Variants in TNKS observed in about 807,000 individuals in gnomAD.
TNKS encodes tankyrase.
TNKS carries 72 observed loss-of-function variants against 135.8 expected under a neutral mutation model. The ratio of observed to expected loss-of-function variants is 0.53; its 90% CI spans 0.44 to 0.64. The LOEUF (loss-of-function observed/expected upper bound fraction) is 0.64. Ranked by LOEUF, TNKS falls within the 30% of genes least tolerant of loss-of-function variation. TNKS has a pLI of 0.00. For missense variants in TNKS, 1,769 were observed against 1,674.0 expected (o/e 1.06, Z -0.99); for synonymous variants, 849 against 649.3 (o/e 1.31, Z -4.68).
At position 9,730,868 on chromosome 8, in the gene TNKS, CTT is replaced by C; in HGVS notation, c.2002-20_2002-19del. On this transcript the variant is annotated intron_variant, in intron 13 of 26. Coordinates refer to ENST00000310430, the MANE Select transcript of TNKS (RefSeq NM_003747.3). ...AGAGTAATGTTCGTTTTGTGTTTGTCTTTGTGTGTGCACCACGAAAGCAACTT... is the reference window on the plus strand; with the variant it reads ...AGAGTAATGTTCGTTTTGTGTTTGTCTGTGTGTGCACCACGAAAGCAACTT... 1 of 1,604,850 alleles carries C rather than the reference CTT, an allele frequency of 6.2e-7. No individual in the cohort carries two copies. The highest frequency in any genetic ancestry group is 8.5e-7 in the Non-Finnish European group (1 of 1,174,508).
chr8:9,750,074 G>A (rs1002562269), intron 18 of TNKS, among the ~76,000 whole-genome samples: 51 of 152,196 alleles, frequency 3.4e-4, no homozygotes, highest in African/African-American at 1.2e-3. Context: ...AAGTAAAGGT[G>A]CAGTGGGACA....
intron 2 of TNKS, among the ~76,000 whole-genome samples, chr8:9,585,716 C>G (rs1271714093): frequency 6.6e-6 from 1 of 152,170 alleles, no homozygotes; most frequent in South Asian, 2.1e-4. Context: ...ATTAGAGAAA[C>G]AAAGCTCCTG....
chr8:9,641,385 G>A (rs1800725632), intron 3 of TNKS, among the ~76,000 whole-genome samples: 1 of 143,856 alleles, frequency 7.0e-6, no homozygotes, highest in South Asian at 2.2e-4. Context: ...GGGTAATTGA[G>A]ATATTTCCAA....
At chr8:9,771,381 A>AG (rs1491155490) in intron 26 of TNKS, among the ~76,000 whole-genome samples, 2 of 99,184 alleles carry the variant, frequency 2.0e-5, no homozygotes, top group African/African-American at 6.2e-5. Context: ...GGAGGGAGGG[A>AG]AAGAGAGAAA....
chr8:9,764,780 A>G lies in TNKS; in HGVS notation c.3437A>G (p.Asn1146Ser), dbSNP rs147302623. The G allele has an allele frequency of 1.6e-5, 25 of 1,594,128 alleles. No homozygotes were observed. Among genetic ancestry groups the G allele is most frequent in the Admixed American group, 5.3e-5 (3 of 56,648 alleles). ...GNAGGIFNRYNVIRIQKVVNK... is the reference protein window; with the variant it reads ...GNAGGIFNRYSVIRIQKVVNK... ...GCTGGCGGCATCTTCAACAGATACAATGTCATTCGAGTAAGTTTTTAAAGT... is the reference window on the plus strand; with the variant it reads ...GCTGGCGGCATCTTCAACAGATACAGTGTCATTCGAGTAAGTTTTTAAAGT... The change falls in exon 23 of 27, where the codon AAT becomes AGT. Residue 1146 changes from asparagine to serine, a missense_variant. Asn to Ser is a conservative substitution (Grantham distance 46). Coordinates refer to ENST00000310430, the MANE Select transcript of TNKS (RefSeq NM_003747.3).
rs149754939 is a variant in TNKS, at chr8:9,751,724, C to A, written c.2948C>A (p.Pro983His). 9.9e-6 allele frequency: 16 copies of A among 1,614,212 alleles called. No homozygotes were observed. The highest frequency in any genetic ancestry group is 4.5e-5 in the East Asian group (2 of 44,880). Residue 983 changes from proline (P) to histidine (H), a missense_variant, in exon 19 of 27, where the codon CCC (proline) becomes CAC (histidine). Around this residue, in one of 5 missense-constraint regions of TNKS, gnomAD observed 722 missense variants for 688.9 expected, o/e 1.05. Transcript: ENST00000310430. ...TCTCTGATCTCACCAGCATCCACCCCCTCCTGCCTCTCGGCTGCCAGCAGC... is the reference window on the plus strand; with the variant it reads ...TCTCTGATCTCACCAGCATCCACCCACTCCTGCCTCTCGGCTGCCAGCAGC... ...SASLISPASTPSCLSAASSID... is the reference protein window; with the variant it reads ...SASLISPASTHSCLSAASSID...
intron 5 of TNKS, among the ~76,000 whole-genome samples, chr8:9,701,993 C>T (rs191586032): frequency 3.9e-5 from 6 of 152,280 alleles, no homozygotes; most frequent in African/African-American, 9.6e-5. Context: ...TCTGTTGCCA[C>T]CAGCCATAGT....
intron 1 of TNKS, among the ~76,000 whole-genome samples, chr8:9,576,458 A>AC (rs1326483821): frequency 7.7e-6 from 1 of 129,864 alleles, no homozygotes; most frequent in Admixed American, 8.1e-5. Flanking sequence ...AGGTGCCACC[A>AC]CCCCCCTCTT....
chr8:9,687,983 C>T (rs1286090562), intron 5 of TNKS, among the ~76,000 whole-genome samples: 1 of 152,104 alleles, frequency 6.6e-6, no homozygotes, highest in African/African-American at 2.4e-5. Context: ...GGAAAAACAC[C>T]CATGTCACAG....
intron 26 of TNKS, among the ~76,000 whole-genome samples, chr8:9,775,231 T>A (rs942005782): frequency 1.3e-5 from 2 of 151,966 alleles, no homozygotes; most frequent in African/African-American, 2.4e-5. Context: ...TTTCAAAAAT[T>A]AAGTGTATGT....
intron 14 of TNKS, among the ~76,000 whole-genome samples, chr8:9,731,600 T>C (rs1805445017): frequency 6.6e-6 from 1 of 151,884 alleles, no homozygotes; most frequent in Non-Finnish European, 1.5e-5. Context: ...CATAGACTTG[T>C]GTGTGTGCTG....
intron 23 of TNKS, 78 bp from the exon 24 acceptor site, chr8:9,765,614 A>G (rs967184047): frequency 7.8e-7 from 1 of 1,277,690 alleles, no homozygotes; most frequent in Non-Finnish European, 1.1e-6. Context: ...AACCTTCCTA[A>G]AAGGAAAACA....
intron 2 of TNKS, among the ~76,000 whole-genome samples, chr8:9,598,797 A>C (rs186942179): frequency 1.2e-5 from 1 of 86,934 alleles, no homozygotes; most frequent in African/African-American, 4.6e-5. Flanking sequence ...ATATATATAT[A>C]TATATATATA....
chr8:9,723,859 G>A (rs902467917), intron 12 of TNKS, among the ~76,000 whole-genome samples: 3 of 152,134 alleles, frequency 2.0e-5, no homozygotes, highest in African/African-American at 7.2e-5. Flanking sequence ...TCTTGCGATT[G>A]TATAACCCAG....
At chr8:9,607,287 G>A (rs765389922) in intron 2 of TNKS, among the ~76,000 whole-genome samples, 23 of 152,124 alleles carry the variant, frequency 1.5e-4, no homozygotes, top group Non-Finnish European at 2.9e-4. Context: ...CTTAATTGAA[G>A]ACAGCAGGAT....
chr8:9,676,946 T>C (rs1162803773), intron 3 of TNKS, among the ~76,000 whole-genome samples: 2 of 152,206 alleles, frequency 1.3e-5, no homozygotes, highest in East Asian at 1.9e-4. Context: ...ATCTGGATGT[T>C]ATTAAAGAAT....
At chr8:9,631,724 C>T (rs931473260) in intron 3 of TNKS, among the ~76,000 whole-genome samples, 1 of 149,960 alleles carries the variant, frequency 6.7e-6, no homozygotes, top group African/African-American at 2.4e-5. Context: ...AAGTCTTTTC[C>T]AAAATAACGC....
intron 13 of TNKS, among the ~76,000 whole-genome samples, chr8:9,727,943 A>G (rs1489428651): frequency 6.6e-6 from 1 of 152,224 alleles, no homozygotes; most frequent in Non-Finnish European, 1.5e-5. Context: ...AAAATGCTTC[A>G]TCACTTGAAA....
intron 1 of TNKS, among the ~76,000 whole-genome samples, chr8:9,570,099 A>G (rs935573353): frequency 3.9e-5 from 6 of 152,132 alleles, no homozygotes; most frequent in Non-Finnish European, 8.8e-5. Context: ...TATTTTAAAA[A>G]TTGTTCTTTT....
Sources: allele counts gnomAD v4.1 joint callset (sites outside exome capture counted in the v4.1 genomes callset), GRCh38; gene constraint gnomAD v4.1.1; regional missense constraint gnomAD v4.1.1; transcripts MANE v1.5; gene names NCBI Gene and HGNC (gene_info 2026-07-23, HGNC 2026-07-21).